Variants in CXADR observed in about 807,000 individuals in gnomAD.
CXADR encodes CXADR cell adhesion molecule.
Under a neutral mutation model 40.3 loss-of-function variants are expected in CXADR, and 20 were observed. The ratio of observed to expected loss-of-function variants is 0.50; its 90% CI spans 0.35 to 0.72. The LOEUF is 0.72. CXADR is among the 30% of genes least tolerant of loss of function. CXADR has a pLI of 0.01. For missense variants in CXADR, 332 were observed against 449.1 expected (o/e 0.74, Z 2.36); for synonymous variants, 150 against 161.3 (o/e 0.93, Z 0.53).
At chr21:17,514,219 A>G (rs951823553) in intron 1 of CXADR, among the ~76,000 whole-genome samples, 1 of 152,030 alleles carries the variant, frequency 6.6e-6, no homozygotes, top group Non-Finnish European at 1.5e-5. Context: ...TTTTGTTGTT[A>G]GGTGCTCTGA....
chr21:17,540,358 T>G (rs78286455), intron 1 of CXADR, among the ~76,000 whole-genome samples: 2 of 152,310 alleles, frequency 1.3e-5, no homozygotes, highest in East Asian at 3.9e-4. Flanking sequence ...TAGTATACAT[T>G]ATATGTTTAA....
the CXADR span, among the ~76,000 whole-genome samples, chr21:17,607,900 T>TTA: frequency 6.6e-6 from 1 of 152,206 alleles, no homozygotes; most frequent in African/African-American, 2.4e-5. Flanking sequence ...CCAGGGCATG[T>TTA]TTTATAGGAG....
chr21:17,545,771 G>GT (rs147395162), intron 1 of CXADR, among the ~76,000 whole-genome samples: 12 of 137,114 alleles, frequency 8.8e-5, no homozygotes, highest in South Asian at 2.5e-4. Context: ...TCAACTATTT[G>GT]GTTTTTTTTG....
chr21:17,559,669 GT>G (rs1447996912), intron 4 of CXADR, among the ~76,000 whole-genome samples: 14 of 27,888 alleles, frequency 5.0e-4, no homozygotes, highest in African/African-American at 1.5e-3. Context: ...TTTTTTTTGG[GT>G]TTTTTTTTTT....
At chr21:17,546,504 G>A (rs1225998514) in intron 1 of CXADR, among the ~76,000 whole-genome samples, 1 of 152,210 alleles carries the variant, frequency 6.6e-6, no homozygotes, top group African/African-American at 2.4e-5. Context: ...CACGTCCCAC[G>A]TGGCCAGAGC....
chr21:17,519,672 T>C (rs1290315723), intron 1 of CXADR, among the ~76,000 whole-genome samples: 1 of 152,198 alleles, frequency 6.6e-6, no homozygotes, highest in Non-Finnish European at 1.5e-5. Context: ...TAGCCCATAG[T>C]CAATCTTGAC....
chr21:17,631,554 A>C, the CXADR span, among the ~76,000 whole-genome samples: 1 of 152,218 alleles, frequency 6.6e-6, no homozygotes, highest in East Asian at 1.9e-4. Context: ...AATATACTAA[A>C]GCATTGTCAG....
At chr21:17,547,270 A>G (rs1412957739) in intron 2 of CXADR, 77 bp downstream of exon 2, 2 of 1,584,934 alleles carry the variant, frequency 1.3e-6, no homozygotes, top group Non-Finnish European at 1.7e-6. Context: ...TGCCAGTCAC[A>G]TGGATGGGCT....
intron 1 of CXADR, among the ~76,000 whole-genome samples, chr21:17,529,527 G>T (rs1309533353): frequency 6.6e-6 from 1 of 152,062 alleles, no homozygotes; most frequent in African/African-American, 2.4e-5. Flanking sequence ...TGCCATGTTG[G>T]CCAGGCTGAT....
downstream of CXADR, among the ~76,000 whole-genome samples, chr21:17,573,548 T>G (rs1305423719): frequency 6.6e-6 from 1 of 152,198 alleles, no homozygotes; most frequent in Non-Finnish European, 1.5e-5. Flanking sequence ...AGGAATATAC[T>G]ATCTTTATTT....
intron 7 of CXADR, among the ~76,000 whole-genome samples, chr21:17,575,873 A>T (rs2061318679): frequency 1.3e-5 from 2 of 151,560 alleles, no homozygotes; most frequent in Non-Finnish European, 2.9e-5. Context: ...GGATCACCTG[A>T]GGTCAGGAGT....
intron 5 of CXADR, 144 bp from the exon 6 acceptor site, chr21:17,561,194 A>AT (rs999019402): frequency 3.6e-4 from 207 of 567,572 alleles, no homozygotes; most frequent in Middle Eastern, 2.0e-3. Context: ...CTTTTTATGA[A>AT]TTTTTCCCCC....
chr21:17,577,520 G>T (rs1035786178), intron 7 of CXADR, among the ~76,000 whole-genome samples: 1 of 148,092 alleles, frequency 6.8e-6, no homozygotes, highest in Non-Finnish European at 1.5e-5. Flanking sequence ...TGAACATTCA[G>T]AGCACAGGTA....
rs76398644 is a variant in CXADR, at chr21:17,561,083, A to G, written c.695-255A>G. ...GTTATAAGTATGAGTAGCTTAGAACATTCTTATATGTTAACCAAGATAGCT... is the reference window on the plus strand; with the variant it reads ...GTTATAAGTATGAGTAGCTTAGAACGTTCTTATATGTTAACCAAGATAGCT... On this transcript the variant is annotated intron_variant, in intron 5 of 6. Transcript: ENST00000284878. Among the ~76,000 whole-genome samples, 538 of 152,360 alleles carry G rather than the reference A, an allele frequency of 3.5e-3. 3 individuals are homozygous for G. The highest frequency in any genetic ancestry group is 0.012 in the African/African-American group (508 of 41,586).
chr21:17,561,258 C>T, intron 5 of CXADR, 80 bp from the exon 6 acceptor site: 1 of 828,648 alleles, frequency 1.2e-6, no homozygotes, highest in Non-Finnish European at 1.8e-6. Flanking sequence ...TGAAATCAAT[C>T]TAAAAATGTA....
At chr21:17,590,228 ATTT>A (rs35390860) in intron 7 of CXADR, among the ~76,000 whole-genome samples, 1,767 of 146,498 alleles carry the variant, frequency 0.012, 30 homozygotes, top group African/African-American at 0.039. Flanking sequence ...GTAGCTAGGT[ATTT>A]TTTTTTTTTT....
chr21:17,526,431 C>A (rs1221042529), intron 1 of CXADR, among the ~76,000 whole-genome samples: 3 of 152,068 alleles, frequency 2.0e-5, no homozygotes, highest in African/African-American at 4.8e-5. Context: ...TCTCCTTATT[C>A]CATAGTTAAA....
chr21:17,570,069 G>C lies in CXADR; in HGVS notation c.*4377G>C. 1.0e-6 allele frequency: 1 copy of C among 985,400 alleles called. No individual in the cohort carries two copies. Among genetic ancestry groups the C allele is most frequent in the South Asian group, 4.7e-5 (1 of 21,284 alleles). The allele number at this position is 985,400 out of a possible 1,614,324, so 61.0% of individuals were successfully genotyped here. ...CAACTTGCTCTAGTTTTGTGACCTTGTGTACTTTTGAAATAAAATCAAGAA... is the reference window on the plus strand; with the variant it reads ...CAACTTGCTCTAGTTTTGTGACCTTCTGTACTTTTGAAATAAAATCAAGAA... On this transcript the variant is annotated 3_prime_UTR_variant, in exon 7 of 7. Transcript: ENST00000284878.
chr21:17,528,483 G>A (rs1312436256), intron 1 of CXADR, among the ~76,000 whole-genome samples: 3 of 151,678 alleles, frequency 2.0e-5, no homozygotes, highest in Middle Eastern at 3.4e-3. Flanking sequence ...TCGGCTCACC[G>A]TAACCTCCAC....
Sources: gnomAD v4.1 joint callset for allele counts (sites outside exome capture counted in the v4.1 genomes callset) on GRCh38, gnomAD v4.1.1 for gene constraint, MANE v1.5 for transcripts, NCBI Gene and HGNC (gene_info 2026-07-23, HGNC 2026-07-21) for gene names.